The following INPPL1 variants were observed in gnomAD, a reference collection of about 807,000 sequenced individuals.
INPPL1 encodes the protein inositol polyphosphate phosphatase like 1.
In INPPL1, 91 loss-of-function variants were observed where a neutral mutation model predicts 139.3. The ratio of observed to expected loss-of-function variants is 0.65; its 90% CI spans 0.55 to 0.78. The LOEUF is 0.78. INPPL1 is among the 30% of genes least tolerant of loss of function. The probability of loss-of-function intolerance (pLI) is 0.00; values close to 1 mark genes in which losing one functional copy is unlikely to be tolerated. For missense variants in INPPL1, 1,411 were observed against 1,665.6 expected (o/e 0.85, Z 2.66); for synonymous variants, 719 against 686.6 (o/e 1.05, Z -0.74).
At position 72,228,778 on chromosome 11, in the gene INPPL1, T is replaced by C. The variant is rs1273555581; in HGVS notation, c.449T>C (p.Ile150Thr). 2 of 1,612,552 alleles carry C rather than the reference T, an allele frequency of 1.2e-6. No homozygotes were observed. Among genetic ancestry groups the C allele is most frequent in the Admixed American group, 1.7e-5 (1 of 59,758 alleles). Residue 150 changes from isoleucine (I) to threonine (T), a missense_variant, in exon 4 of 28, where the codon ATT becomes ACT. Around this residue, in one of 5 missense-constraint regions of INPPL1, gnomAD observed 504 missense variants for 595.6 expected, o/e 0.85. Coordinates refer to ENST00000298229, the MANE Select transcript of INPPL1 (RefSeq NM_001567.4). The surrounding 1 kb of genome is among the most constrained non-coding windows in gnomAD (Gnocchi z 5.0). Reference protein sequence around the residue: ...PLPPRSGSTSISAPTGPSSPL... With the variant: ...PLPPRSGSTSTSAPTGPSSPL... The stretch of plus-strand genomic sequence containing the variant: ...CCCCCGCGCTCTGGCTCCACCAGCA[T>C]TTCTGCCCCCACTGGGCCCAGCAGT...
chr11:72,237,739 C>T lies in INPPL1; in HGVS notation c.3495C>T (p.Pro1165=). 4 of 1,611,466 alleles carry T rather than the reference C, an allele frequency of 2.5e-6. No homozygotes were observed. Among genetic ancestry groups the T allele is most frequent in the Non-Finnish European group, 3.4e-6 (4 of 1,179,440 alleles). Residue 1165 remains proline (P), a synonymous_variant, in exon 26 of 28, where the codon CCC becomes CCT. Coordinates refer to ENST00000298229, the MANE Select transcript of INPPL1 (RefSeq NM_001567.4). Reference sequence around the variant, plus strand: ...GACTGCCCTCGGACTATGGCCGGCCCCTCAGCTTCCCTCCACCCCGCATCC... The same window carrying T: ...GACTGCCCTCGGACTATGGCCGGCCTCTCAGCTTCCCTCCACCCCGCATCC... ...PRGLPSDYGR[P]LSFPPPRIRE...
At chr11:72,229,301 A>G in intron 5 of INPPL1, 71 bp downstream of exon 5, 1 of 1,495,370 alleles carries the variant, frequency 6.7e-7, no homozygotes, top group Non-Finnish European at 9.2e-7. Context: ...TCCCGGCTGC[A>G]CAGGTGCCCT....
At position 72,238,363 on chromosome 11, in the gene INPPL1, C is replaced by A; in HGVS notation, c.*10C>A. ...GCAGCTCAGCAAGTGATAGCGGAGGCACCACGAAGCTGTGAACTCAGAGCC... is the reference window on the plus strand; with the variant it reads ...GCAGCTCAGCAAGTGATAGCGGAGGAACCACGAAGCTGTGAACTCAGAGCC... On this transcript the variant is annotated 3_prime_UTR_variant, in exon 28 of 28. Coordinates refer to ENST00000298229, the MANE Select transcript of INPPL1 (RefSeq NM_001567.4). The A allele has an allele frequency of 6.5e-7, 1 of 1,526,748 alleles. No homozygotes were observed. Among genetic ancestry groups the A allele is most frequent in the Non-Finnish European group, 8.8e-7 (1 of 1,138,978 alleles). 94.6% of individuals were successfully genotyped at this position (1,526,748 alleles called of 1,614,324 possible). A position where few individuals can be genotyped will look rare whatever the true frequency, so the allele number is the denominator to read the frequency against.
intron 1 of INPPL1, chr11:72,227,830 ACT>A (rs746708982): frequency 2.3e-4 from 79 of 336,832 alleles, no homozygotes; most frequent in Non-Finnish European, 3.5e-4. Context: ...GCTTCTGAAG[ACT>A]CTTACTCTGG....
chr11:72,228,611 T>C lies in INPPL1; in HGVS notation c.397+113T>C. 1 of 1,507,168 alleles carries C rather than the reference T, an allele frequency of 6.6e-7. No homozygotes were observed. The highest frequency in any genetic ancestry group is 1.2e-5 in the South Asian group (1 of 84,354). 93.4% of individuals were successfully genotyped at this position (1,507,168 alleles called of 1,614,324 possible). On this transcript the variant is annotated intron_variant, in intron 3 of 27. Transcript: ENST00000298229. The surrounding 1 kb of genome is among the most constrained non-coding windows in gnomAD (Gnocchi z 5.0). Reference sequence around the variant, plus strand: ...CCTGTAACCCCCTTTCCCTTGGCCATGATGCCGGGGCCCTTTAACCCTCTT... The same window carrying C: ...CCTGTAACCCCCTTTCCCTTGGCCACGATGCCGGGGCCCTTTAACCCTCTT...
At position 72,228,507 on chromosome 11, in the gene INPPL1, C is replaced by T. The variant is rs774083889; in HGVS notation, c.397+9C>T. The stretch of plus-strand genomic sequence containing the variant: ...TGACCGGGATGCCTCAGGTACTTCC[C>T]AGTGTGCAGGTCCCCTCCCTGCCCC... On this transcript the variant is annotated intron_variant, in intron 3 of 27. Transcript: ENST00000298229. This position sits in a 1 kb window ranked among gnomAD's most constrained non-coding sequence, Gnocchi z 5.0. The T allele has an allele frequency of 1.2e-6, 2 of 1,604,246 alleles. No homozygotes were observed. Among genetic ancestry groups the T allele is most frequent in the Non-Finnish European group, 1.7e-6 (2 of 1,179,890 alleles).
rs1948743533 is a variant in INPPL1, at chr11:72,228,662, A to G, written c.398-65A>G. 1 of 1,573,914 alleles carries G rather than the reference A, an allele frequency of 6.4e-7. No homozygotes were observed. Among genetic ancestry groups the G allele is most frequent in the African/African-American group, 1.4e-5 (1 of 73,574 alleles). On this transcript the variant is annotated intron_variant, in intron 3 of 27. Transcript: ENST00000298229. The surrounding 1 kb of genome is among the most constrained non-coding windows in gnomAD (Gnocchi z 5.0). Reference sequence around the variant, plus strand: ...TCCATGGAAGTCACTTTACAGCTGCATCGTGCCTCCTACTCCACTGAGTGT... The same window carrying G: ...TCCATGGAAGTCACTTTACAGCTGCGTCGTGCCTCCTACTCCACTGAGTGT...
At chr11:72,233,801 G>A (rs957571510) in intron 19 of INPPL1, 57 bp downstream of exon 19, 14 of 1,415,086 alleles carry the variant, frequency 9.9e-6, no homozygotes, top group Non-Finnish European at 1.4e-5. Context: ...CACAGGTGGT[G>A]GCCTCGGGAT....
At chr11:72,238,002 G>A in intron 26 of INPPL1, 40 bp from the exon 27 acceptor site, 3 of 1,512,506 alleles carry the variant, frequency 2.0e-6, no homozygotes, top group Non-Finnish European at 2.6e-6. Flanking sequence ...TGTTTCTATG[G>A]GGGGCACTCA....
In INPPL1 at chr11:72,237,610, G is replaced by A. The variant is rs778257580; in HGVS notation, c.3366G>A (p.Ser1122=). ...EVASGDDRSC[S]VLQMAKTLSE... ...CCAGTGGGGATGACCGGTCCTGCTCGGTGCTGCAGATGGCCAAGACGCTGA... is the reference window on the plus strand; with the variant it reads ...CCAGTGGGGATGACCGGTCCTGCTCAGTGCTGCAGATGGCCAAGACGCTGA... The change falls in exon 26 of 28, where the codon TCG becomes TCA. Residue 1122 remains serine, a synonymous_variant. Coordinates refer to ENST00000298229, the MANE Select transcript of INPPL1 (RefSeq NM_001567.4). The A allele has an allele frequency of 2.1e-5, 34 of 1,603,578 alleles. No individual in the cohort carries two copies. Among genetic ancestry groups the A allele is most frequent in the Admixed American group, 1.0e-4 (6 of 59,574 alleles).
Position 72,238,086 on chromosome 11 carries a change from A to G in INPPL1, c.3597A>G (p.Ala1199=). 2 of 1,579,054 alleles carry G rather than the reference A, an allele frequency of 1.3e-6. No homozygotes were observed. The highest frequency in any genetic ancestry group is 2.7e-5 in the African/African-American group (2 of 74,086). ...QGGRASGLGE[A]GMSAWLRAIG... The stretch of plus-strand genomic sequence containing the variant: ...GGCGGGCCAGCGGGCTGGGCGAGGC[A>G]GGCATGAGTGCCTGGCTGCGGGCCA... The change falls in exon 27 of 28, where the codon GCA becomes GCG. Residue 1199 remains alanine (A), a synonymous_variant. Coordinates refer to ENST00000298229, the MANE Select transcript of INPPL1 (RefSeq NM_001567.4).
In INPPL1 at chr11:72,238,708, CG is replaced by C. The variant is rs1949073543; in HGVS notation, c.*357del. 5.8e-6 allele frequency: 1 copy of C among 172,432 alleles called. No homozygotes were observed. The highest frequency in any genetic ancestry group is 6.3e-5 in the Admixed American group (1 of 15,790). The allele number at this position is 172,432 out of a possible 1,614,324, so 10.7% of individuals were successfully genotyped here. ...GGGCCCCCACTTTCACCAGTTTCTG[CG>C]GCCTTCCACCGGGCCTGAACCACAG... On this transcript the variant is annotated 3_prime_UTR_variant, in exon 28 of 28. Transcript: ENST00000298229.
rs1949063101 is a variant in INPPL1 at position 72,238,381 on chromosome 11, T to G, written c.*28T>G. 1 of 1,501,748 alleles carries G rather than the reference T, an allele frequency of 6.7e-7. No individual in the cohort carries two copies. Among genetic ancestry groups the G allele is most frequent in the South Asian group, 1.4e-5 (1 of 73,730 alleles). The allele number at this position is 1,501,748 out of a possible 1,614,324, so 93.0% of individuals were successfully genotyped here. On this transcript the variant is annotated 3_prime_UTR_variant, in exon 28 of 28. Coordinates refer to ENST00000298229, the MANE Select transcript of INPPL1 (RefSeq NM_001567.4). Reference sequence around the variant, plus strand: ...GCGGAGGCACCACGAAGCTGTGAACTCAGAGCCCCTCCCTGCTACCAAGGC... The same window carrying G: ...GCGGAGGCACCACGAAGCTGTGAACGCAGAGCCCCTCCCTGCTACCAAGGC...
Position 72,235,520 on chromosome 11 carries a change from A to G in INPPL1, c.2659+69A>G. On this transcript the variant is annotated intron_variant, in intron 23 of 27. Coordinates refer to ENST00000298229, the MANE Select transcript of INPPL1 (RefSeq NM_001567.4). This position sits in a 1 kb window ranked among gnomAD's most constrained non-coding sequence, Gnocchi z 4.9. ...TCAAGGAGGGCAGGGTGCGGGGGGC[A>G]TGTTGGAATCTCTGGGATACCTGGA... 1 of 1,574,186 alleles carries G rather than the reference A, an allele frequency of 6.4e-7. No homozygotes were observed. The highest frequency in any genetic ancestry group is 8.7e-7 in the Non-Finnish European group (1 of 1,155,476).
At position 72,230,237 on chromosome 11, in the gene INPPL1, C is replaced by T; in HGVS notation, c.1056C>T (p.Ser352=). Residue 352 remains serine, a synonymous_variant, in exon 9 of 28, where the codon TCC becomes TCT. Coordinates refer to ENST00000298229, the MANE Select transcript of INPPL1 (RefSeq NM_001567.4). ...TGCTGCTGCGGAGACAGCGGGACTC[C>T]CAGGAGGACTGGACCACCTTCACGC... ...RLVLLRRQRD[S]QEDWTTFTHD... 2 of 1,609,782 alleles carry T rather than the reference C, an allele frequency of 1.2e-6. No individual in the cohort carries two copies. The highest frequency in any genetic ancestry group is 2.7e-5 in the African/African-American group (2 of 75,018).
At position 72,238,323 on chromosome 11, in the gene INPPL1, CCTT is replaced by C. The variant is rs1949060994; in HGVS notation, c.3750_3752del (p.Leu1251del). ...TGCAGGACCCGGCTCACAAGCGCCTCCTTCTGGACACCCTGCAGCTCAGCAAGT... is the reference window on the plus strand; with the variant it reads ...TGCAGGACCCGGCTCACAAGCGCCTCCTGGACACCCTGCAGCTCAGCAAGT... On this transcript the variant is annotated inframe_deletion, in exon 28 of 28. Coordinates refer to ENST00000298229, the MANE Select transcript of INPPL1 (RefSeq NM_001567.4). 6.3e-7 allele frequency: 1 copy of C among 1,586,588 alleles called. No individual in the cohort carries two copies. Among genetic ancestry groups the C allele is most frequent in the Non-Finnish European group, 8.6e-7 (1 of 1,167,376 alleles).
chr11:72,237,727 C>T lies in INPPL1; in HGVS notation c.3483C>T (p.Asp1161=). 6.2e-7 allele frequency: 1 copy of T among 1,611,744 alleles called. No individual in the cohort carries two copies. The highest frequency in any genetic ancestry group is 1.1e-5 in the South Asian group (1 of 90,816). ...ELQPPRGLPS[D]YGRPLSFPPP... is the part of the protein sequence containing the mutation. Reference sequence around the variant, plus strand: ...AGCCCCCCCGGGGACTGCCCTCGGACTATGGCCGGCCCCTCAGCTTCCCTC... The same window carrying T: ...AGCCCCCCCGGGGACTGCCCTCGGATTATGGCCGGCCCCTCAGCTTCCCTC... The change falls in exon 26 of 28, where the codon GAC becomes GAT. Residue 1161 remains aspartate (D), a synonymous_variant. Coordinates refer to ENST00000298229, the MANE Select transcript of INPPL1 (RefSeq NM_001567.4).
Position 72,224,946 on chromosome 11 carries a change from G to A in INPPL1, c.-39G>A. 1.2e-5 allele frequency: 13 copies of A among 1,057,838 alleles called. No homozygotes were observed. The highest frequency in any genetic ancestry group is 1.5e-5 in the Non-Finnish European group (13 of 878,036). 65.5% of individuals were successfully genotyped at this position (1,057,838 alleles called of 1,614,324 possible). On this transcript the variant is annotated 5_prime_UTR_variant, in exon 1 of 28. Coordinates refer to ENST00000298229, the MANE Select transcript of INPPL1 (RefSeq NM_001567.4). The stretch of plus-strand genomic sequence containing the variant: ...TGAGCGTCTCGGGGCGGATGGCGCG[G>A]GGCGGCGGGGGCGGGCGGTGCTGAG...
In INPPL1 at chr11:72,235,019, T is replaced by A; in HGVS notation, c.2416-97T>A. 1.0e-6 allele frequency: 1 copy of A among 957,202 alleles called. No homozygotes were observed. The highest frequency in any genetic ancestry group is 2.8e-4 in the Middle Eastern group (1 of 3,606). The allele number at this position is 957,202 out of a possible 1,614,324, so 59.3% of individuals were successfully genotyped here. A position where few individuals can be genotyped will look rare whatever the true frequency, so the allele number is the denominator to read the frequency against. ...TGAGTGTGAGTGAGCACAGATGACC[T>A]GAGGGTGGGGATTGAGTGGTGTCAG... On this transcript the variant is annotated intron_variant, in intron 21 of 27. Transcript: ENST00000298229. This position sits in a 1 kb window ranked among gnomAD's most constrained non-coding sequence, Gnocchi z 4.9.
Sources: gnomAD v4.1 joint callset for allele counts on GRCh38, gnomAD v4.1.1 for gene constraint, gnomAD v4.1.1 regional missense constraint, Gnocchi (gnomAD v3.1) non-coding constraint, MANE v1.5 for transcripts, NCBI Gene and HGNC (gene_info 2026-07-23, HGNC 2026-07-21) for gene names.